HTR3A: variants seen among roughly 807,000 people sequenced by gnomAD.
HTR3A encodes the protein 5-hydroxytryptamine receptor 3A, also known as 5-hydroxytryptamine (serotonin) receptor 3A, ionotropic.
A neutral mutation model predicts 54.8 loss-of-function variants in HTR3A; 45 were observed. That is an observed-to-expected ratio of 0.82 (90% CI 0.65 to 1.05). HTR3A has a LOEUF of 1.05. Among genes scored for constraint, HTR3A ranks in the 50% least tolerant of loss-of-function variants. The probability of loss-of-function intolerance (pLI) is 0.00; values close to 1 mark genes in which losing one functional copy is unlikely to be tolerated. For synonymous variants in HTR3A, 297 were observed against 256.0 expected, an observed-to-expected ratio of 1.16 and a Z score of -1.53; for missense variants, 657 against 614.0, an observed-to-expected ratio of 1.07 and a Z score of -0.74.
chr11:113,989,360 A>G lies in HTR3A; in HGVS notation c.1139-105A>G. 7.6e-7 allele frequency: 1 copy of G among 1,313,606 alleles called. No homozygotes were observed. Among genetic ancestry groups the G allele is most frequent in the Non-Finnish European group, 1.1e-6 (1 of 912,996 alleles). The allele number at this position is 1,313,606 out of a possible 1,614,324, so 81.4% of individuals were successfully genotyped here. The stretch of plus-strand genomic sequence containing the variant: ...CCTGGGTGACAGAGTGAGAAAAAAA[A>G]AGTTATTCCCAACAAAAATTTACAG... On this transcript the variant is annotated intron_variant, in intron 8 of 8. Transcript: ENST00000504030. This position sits in a 1 kb window ranked among gnomAD's most constrained non-coding sequence, Gnocchi z 4.4.
rs372032364 is a variant in HTR3A, at chr11:113,986,130, G to A, written c.660G>A (p.Glu220=). 6.8e-6 allele frequency: 11 copies of A among 1,614,212 alleles called. No individual in the cohort carries two copies. Among genetic ancestry groups the A allele is most frequent in the African/African-American group, 6.7e-5 (5 of 75,062 alleles). Residue 220 remains glutamate (E), a synonymous_variant, in exon 6 of 9, where the codon GAG becomes GAA. Coordinates refer to ENST00000504030, the MANE Select transcript of HTR3A (RefSeq NM_000869.6). ...TGGGGGTGCTGCCCTACTTTCGGGA[G>A]TTCAGCATGGAAAGCAGTAACTACT... ...ELLGVLPYFR[E]FSMESSNYYA... is the part of the protein sequence containing the mutation.
rs771650340 is a variant in HTR3A, at chr11:113,979,265, C to G, written c.252C>G (p.Ile84Met). Residue 84 changes from isoleucine to methionine, a missense_variant, in exon 3 of 9, where the codon ATC becomes ATG. Transcript: ENST00000504030. ...DEKNQVLTTY[I>M]WYRQYWTDEF... Reference sequence around the variant, plus strand: ...AGAATCAGGTGCTGACCACCTACATCTGGTACCGGCAGGTGAGCAGACCCG... The same window carrying G: ...AGAATCAGGTGCTGACCACCTACATGTGGTACCGGCAGGTGAGCAGACCCG... 1.2e-5 allele frequency: 20 copies of G among 1,612,440 alleles called. No individual in the cohort carries two copies. The highest frequency in any genetic ancestry group is 1.7e-5 in the Non-Finnish European group (20 of 1,179,574).
Sources: allele counts gnomAD v4.1 joint callset, GRCh38; gene constraint gnomAD v4.1.1; non-coding constraint Gnocchi (gnomAD v3.1); transcripts MANE v1.5; gene names NCBI Gene and HGNC (gene_info 2026-07-23, HGNC 2026-07-21).